The following NECTIN1 variants were observed in gnomAD, a reference collection of about 807,000 sequenced individuals.
NECTIN1 encodes nectin-1.
A neutral mutation model predicts 48.0 loss-of-function variants in NECTIN1; 23 were observed. That is an observed-to-expected ratio of 0.48 (90% CI 0.34 to 0.68). The LOEUF is 0.68. NECTIN1 is among the 30% of genes least tolerant of loss of function. NECTIN1 has a pLI of 0.01. For missense variants in NECTIN1, 591 were observed against 709.9 expected (o/e 0.83, Z 1.90); for synonymous variants, 270 against 288.9 (o/e 0.93, Z 0.66).
At chr11:119,724,288 A>G (rs1234966701) in intron 1 of NECTIN1, among the ~76,000 whole-genome samples, 1 of 152,168 alleles carries the variant, frequency 6.6e-6, no homozygotes, top group Non-Finnish European at 1.5e-5. Context: ...CTCGTGGGGC[A>G]GGCCAGGCCC....
chr11:119,677,726 G>A lies in NECTIN1; in HGVS notation c.562C>T (p.Arg188Trp), dbSNP rs375316129. ...TGGTACTCTGCCTCACCTTTTAACC[G>A]AGTTTCCCAGGATACCACACTGGGA... ...KPPSVVSWET[R>W]LKGEAEYQEI... The change falls in exon 3 of 6, where the codon CGG (arginine) becomes TGG (tryptophan). Residue 188 changes from arginine (R) to tryptophan (W), a missense_variant. Coordinates refer to ENST00000264025, the MANE Select transcript of NECTIN1 (RefSeq NM_002855.5). The surrounding 1 kb of genome is among the most constrained non-coding windows in gnomAD (Gnocchi z 5.4). 5.6e-6 allele frequency: 9 copies of A among 1,614,126 alleles called. No homozygotes were observed. The highest frequency in any genetic ancestry group is 3.3e-5 in the Admixed American group (2 of 60,022).
At chr11:119,705,050 AGCTCTGCAGGATGATAAG>A (rs1865524717) in intron 1 of NECTIN1, among the ~76,000 whole-genome samples, 1 of 151,162 alleles carries the variant, frequency 6.6e-6, no homozygotes, top group Middle Eastern at 3.2e-3. Context: ...GATGCCATAA[AGCTCTGCAGGATGATAAG>A]GCTCTACGGG....
Position 119,676,020 on chromosome 11 carries a change from A to T in NECTIN1, c.852-710T>A, listed in dbSNP as rs114035129. On this transcript the variant is annotated intron_variant, in intron 4 of 5. Coordinates refer to ENST00000264025, the MANE Select transcript of NECTIN1 (RefSeq NM_002855.5). ...AAATCCGTCTCAAAGAAAAAAAAAAAAATAATAATACAGATGCCTTGGTTC... is the reference window on the plus strand; with the variant it reads ...AAATCCGTCTCAAAGAAAAAAAAAATAATAATAATACAGATGCCTTGGTTC... Among the ~76,000 whole-genome samples the T allele has an allele frequency of 5.4e-3, 825 of 151,594 alleles. 5 individuals carry two copies. The highest frequency in any genetic ancestry group is 0.015 in the African/African-American group (630 of 41,212).
chr11:119,656,348 G>A (rs1864573851), downstream of NECTIN1: 2 of 152,192 alleles, frequency 1.3e-5, no homozygotes, highest in African/African-American at 2.4e-5. Flanking sequence ...AAATTGCAAC[G>A]ATACAGAGAC....
rs750150161 is a variant in NECTIN1 at position 119,663,736 on chromosome 11, C to A, written c.*1011G>T. 1 of 985,502 alleles carries A rather than the reference C, an allele frequency of 1.0e-6. No homozygotes were observed. The highest frequency in any genetic ancestry group is 1.1e-4 in the East Asian group (1 of 8,818). 61.0% of individuals were successfully genotyped at this position (985,502 alleles called of 1,614,324 possible). On this transcript the variant is annotated 3_prime_UTR_variant, in exon 6 of 6. Coordinates refer to ENST00000264025, the MANE Select transcript of NECTIN1 (RefSeq NM_002855.5). ...AAGGGAGAAATCAGAGAAACCTCCA[C>A]GCTGTAAGAAGCAGTTTGGGGCAGG... is the stretch of plus-strand genomic sequence containing the variant.
At position 119,727,235 on chromosome 11, in the gene NECTIN1, C is replaced by G. The variant is rs1031426998; in HGVS notation, c.79+1240G>C. On this transcript the variant is annotated intron_variant, in intron 1 of 5. Coordinates refer to ENST00000264025, the MANE Select transcript of NECTIN1 (RefSeq NM_002855.5). This position sits in a 1 kb window ranked among gnomAD's most constrained non-coding sequence, Gnocchi z 4.1. ...CCCGGAACTAGGCAGCCAGACTGTT[C>G]CCTCGATAACAAACTGCCTGGCCAT... 6.6e-6 allele frequency among the ~76,000 whole-genome samples: 1 copy of G among 152,198 alleles called. No homozygotes were observed. The highest frequency in any genetic ancestry group is 2.4e-5 in the African/African-American group (1 of 41,454).
intron 1 of NECTIN1, among the ~76,000 whole-genome samples, chr11:119,689,720 C>T (rs1865219220): frequency 6.6e-6 from 1 of 152,200 alleles, no homozygotes; most frequent in Non-Finnish European, 1.5e-5. Flanking sequence ...GGATGGAGGG[C>T]TCTCGACCCC....
Position 119,677,475 on chromosome 11 carries a change from A to G in NECTIN1, c.733+80T>C. On this transcript the variant is annotated intron_variant, in intron 3 of 5. Coordinates refer to ENST00000264025, the MANE Select transcript of NECTIN1 (RefSeq NM_002855.5). This position sits in a 1 kb window ranked among gnomAD's most constrained non-coding sequence, Gnocchi z 5.4. ...GAAGAAAGCACCCCCAGAAAGAGAAAGGGAGGAGAAAGGAGAGGAGGAGGG... is the reference window on the plus strand; with the variant it reads ...GAAGAAAGCACCCCCAGAAAGAGAAGGGGAGGAGAAAGGAGAGGAGGAGGG... 1 of 1,493,896 alleles carries G rather than the reference A, an allele frequency of 6.7e-7. No individual in the cohort carries two copies. The highest frequency in any genetic ancestry group is 9.3e-7 in the Non-Finnish European group (1 of 1,073,854). 92.5% of individuals were successfully genotyped at this position (1,493,896 alleles called of 1,614,324 possible).
At chr11:119,648,270 G>C in intron 5 of NECTIN1, among the ~76,000 whole-genome samples, 1 of 57,738 alleles carries the variant, frequency 1.7e-5, no homozygotes, top group Non-Finnish European at 3.6e-5. Flanking sequence ...TAATAGTGGT[G>C]GTGGTGATGG....
chr11:119,667,649 T>C (rs1864797104), intron 5 of NECTIN1, among the ~76,000 whole-genome samples: 1 of 152,190 alleles, frequency 6.6e-6, no homozygotes, highest in Admixed American at 6.5e-5. Context: ...ATTCCGTGGT[T>C]CTCGGCTTTC....
Position 119,700,757 on chromosome 11 carries a change from T to C in NECTIN1, c.80-21992A>G, listed in dbSNP as rs553457198. ...AAGGCGTGGCTCTGTCAAGGGCCTCTTGCGCCTGTTGAGAGGTGCTTCTTA... is the reference window on the plus strand; with the variant it reads ...AAGGCGTGGCTCTGTCAAGGGCCTCCTGCGCCTGTTGAGAGGTGCTTCTTA... On this transcript the variant is annotated intron_variant, in intron 1 of 5. Transcript: ENST00000264025. Among the ~76,000 whole-genome samples, 377 of 152,370 alleles carry C rather than the reference T, an allele frequency of 2.5e-3. 1 individual carries two copies. The highest frequency in any genetic ancestry group is 8.7e-3 in the African/African-American group (362 of 41,588).
intron 1 of NECTIN1, among the ~76,000 whole-genome samples, chr11:119,719,225 C>T (rs1865790814): frequency 6.6e-6 from 1 of 152,206 alleles, no homozygotes; most frequent in African/African-American, 2.4e-5. Flanking sequence ...ACAACTACAA[C>T]ACCAGGTTAT....
At position 119,661,816 on chromosome 11, in the gene NECTIN1, A is replaced by C; in HGVS notation, c.*2931T>G. On this transcript the variant is annotated 3_prime_UTR_variant, in exon 6 of 6. Transcript: ENST00000264025. ...TCTGCCACATCTGTGCTGAGTGGCC[A>C]TCTGGCTGTGCATGCATGCGTGTGT... The C allele has an allele frequency of 1.0e-6, 1 of 985,404 alleles. No individual in the cohort carries two copies. The allele number at this position is 985,404 out of a possible 1,614,324, so 61.0% of individuals were successfully genotyped here. A position where few individuals can be genotyped will look rare whatever the true frequency, so the allele number is the denominator to read the frequency against.
At chr11:119,695,475 G>T (rs1286184068) in intron 1 of NECTIN1, among the ~76,000 whole-genome samples, 1 of 152,104 alleles carries the variant, frequency 6.6e-6, no homozygotes, top group Non-Finnish European at 1.5e-5. Flanking sequence ...GAAGACAGAC[G>T]TGCTCACCCC....
Position 119,663,671 on chromosome 11 carries a change from C to G in NECTIN1, c.*1076G>C, listed in dbSNP as rs1230544903. 40 of 985,404 alleles carry G rather than the reference C, an allele frequency of 4.1e-5. No homozygotes were observed. Among genetic ancestry groups the G allele is most frequent in the Non-Finnish European group, 4.7e-5 (39 of 829,964 alleles). 61.0% of individuals were successfully genotyped at this position (985,404 alleles called of 1,614,324 possible). ...TCCTGCAGGTGGATCCCCCTGGGAT[C>G]CCAGCCCTGACTAGCCAAAAGAACC... is the stretch of plus-strand genomic sequence containing the variant. On this transcript the variant is annotated 3_prime_UTR_variant, in exon 6 of 6. Coordinates refer to ENST00000264025, the MANE Select transcript of NECTIN1 (RefSeq NM_002855.5).
chr11:119,706,674 C>T (rs780028809), intron 1 of NECTIN1, among the ~76,000 whole-genome samples: 2 of 152,222 alleles, frequency 1.3e-5, no homozygotes, highest in Non-Finnish European at 2.9e-5. Flanking sequence ...AAGACAACAG[C>T]ACAAAAGAGG....
chr11:119,673,978 G>A lies in NECTIN1; in HGVS notation c.1003+1181C>T, dbSNP rs1021301770. On this transcript the variant is annotated intron_variant, in intron 5 of 5. Coordinates refer to ENST00000264025, the MANE Select transcript of NECTIN1 (RefSeq NM_002855.5). The surrounding 1 kb of genome is among the most constrained non-coding windows in gnomAD (Gnocchi z 5.8). ...GCTCCACACTCCCGCCCCTGGGTGA[G>A]AGACGTGACAGAACGGCTCTGAGGA... is the stretch of plus-strand genomic sequence containing the variant. 6.6e-6 allele frequency among the ~76,000 whole-genome samples: 1 copy of A among 152,216 alleles called. No individual in the cohort carries two copies. The highest frequency in any genetic ancestry group is 1.5e-5 in the Non-Finnish European group (1 of 68,044).
At chr11:119,687,651 G>A (rs936421277) in intron 1 of NECTIN1, among the ~76,000 whole-genome samples, 26 of 152,194 alleles carry the variant, frequency 1.7e-4, no homozygotes, top group African/African-American at 6.3e-4. Context: ...GGAGAGGCGG[G>A]GGGCTGCCGA....
intron 5 of NECTIN1, among the ~76,000 whole-genome samples, chr11:119,669,990 T>G (rs1168375222): frequency 1.3e-5 from 2 of 151,614 alleles, no homozygotes; most frequent in Non-Finnish European, 2.9e-5. Flanking sequence ...GACGGAGTCT[T>G]GCTCTGTCGC....
Sources: allele counts gnomAD v4.1 joint callset (sites outside exome capture counted in the v4.1 genomes callset), GRCh38; gene constraint gnomAD v4.1.1; non-coding constraint Gnocchi (gnomAD v3.1); transcripts MANE v1.5; gene names NCBI Gene and HGNC (gene_info 2026-07-23, HGNC 2026-07-21).